Variants in WIPF3 observed in about 807,000 individuals in gnomAD.
WIPF3 encodes the protein WAS/WASL-interacting protein family member 3.
A neutral mutation model predicts 38.9 loss-of-function variants in WIPF3; 33 were observed. That is an observed-to-expected ratio of 0.85 (90% CI 0.64 to 1.14). The LOEUF is 1.14. Among genes scored for constraint, WIPF3 ranks in the 50% most tolerant of loss-of-function variants. The pLI, the probability that WIPF3 is intolerant of heterozygous loss-of-function variation, is 0.00. For synonymous variants in WIPF3, 324 were observed against 269.3 expected (o/e 1.20, Z -1.99); for missense variants, 711 against 652.5 (o/e 1.09, Z -0.98).
rs962588079 is a variant in WIPF3 at position 29,878,941 on chromosome 7, T to C, written c.224-68T>C. The stretch of plus-strand genomic sequence containing the variant: ...GTGGTAGACCAGTGTTAGACCATGG[T>C]CTGAAATGAGACCTGGCTGCTCAGC... On this transcript the variant is annotated intron_variant, in intron 3 of 8. Coordinates refer to ENST00000242140, the MANE Select transcript of WIPF3 (RefSeq NM_001080529.3). The surrounding 1 kb of genome is among the most constrained non-coding windows in gnomAD (Gnocchi z 4.0). 7 of 1,527,344 alleles carry C rather than the reference T, an allele frequency of 4.6e-6. No individual in the cohort carries two copies. Among genetic ancestry groups the C allele is most frequent in the Non-Finnish European group, 6.2e-6 (7 of 1,125,474 alleles). The allele number at this position is 1,527,344 out of a possible 1,614,324, so 94.6% of individuals were successfully genotyped here.
chr7:29,895,511 C>T (rs1786122701), intron 7 of WIPF3, among the ~76,000 whole-genome samples: 1 of 152,186 alleles, frequency 6.6e-6, no homozygotes, highest in East Asian at 1.9e-4. Context: ...TGATACATTG[C>T]TACAACATGG....
intron 1 of WIPF3, among the ~76,000 whole-genome samples, chr7:29,812,471 T>TGCAGTATCTCTAGGCTTC (rs1784395683): frequency 6.6e-6 from 1 of 152,226 alleles, no homozygotes; most frequent in Admixed American, 6.5e-5. Flanking sequence ...ACGATATGGC[T>TGCAGTATCTCTAGGCTTC]GCAGTATCTC....
intron 4 of WIPF3, among the ~76,000 whole-genome samples, chr7:29,882,103 T>C (rs1188310048): frequency 1.3e-5 from 2 of 152,262 alleles, no homozygotes; most frequent in Non-Finnish European, 2.9e-5. Context: ...AAAATGAGTT[T>C]GCCCACATTT....
At chr7:29,856,683 C>A (rs1227404561) in intron 2 of WIPF3, among the ~76,000 whole-genome samples, 1 of 152,114 alleles carries the variant, frequency 6.6e-6, no homozygotes, top group African/African-American at 2.4e-5. Context: ...ACAGAACTTG[C>A]ATTTTATTGT....
chr7:29,910,080 ATATAAC>A (rs1786477608), intron 8 of WIPF3, among the ~76,000 whole-genome samples: 2 of 152,140 alleles, frequency 1.3e-5, no homozygotes, highest in East Asian at 3.8e-4. Context: ...AACTCAAAGA[ATATAAC>A]TGGATTGTCT....
rs576852058 is a variant in WIPF3, at chr7:29,814,168, C to T, written c.-58+7490C>T. Among the ~76,000 whole-genome samples the T allele has an allele frequency of 7.9e-5, 12 of 152,304 alleles. No individual in the cohort carries two copies. The East Asian group carries it at 1.2e-3, about 15-fold the overall frequency. ...ACTCCTAGGCAAGCGATCTGTCTGCCTCCACCTCCCAAAATAAATGTAATA... is the reference window on the plus strand; with the variant it reads ...ACTCCTAGGCAAGCGATCTGTCTGCTTCCACCTCCCAAAATAAATGTAATA... On this transcript the variant is annotated intron_variant, in intron 1 of 8. Coordinates refer to ENST00000242140, the MANE Select transcript of WIPF3 (RefSeq NM_001080529.3).
intron 2 of WIPF3, among the ~76,000 whole-genome samples, chr7:29,872,228 G>C (rs1785508362): frequency 6.6e-6 from 1 of 152,138 alleles, no homozygotes; most frequent in South Asian, 2.1e-4. Context: ...TTTCTTTCCT[G>C]TTTCTGCATC....
At chr7:29,892,359 T>G (rs964411789) in intron 7 of WIPF3, among the ~76,000 whole-genome samples, 5 of 152,324 alleles carry the variant, frequency 3.3e-5, no homozygotes, top group East Asian at 1.9e-4. Flanking sequence ...CGGGGCTGCC[T>G]GCACATGAAC....
intron 7 of WIPF3, among the ~76,000 whole-genome samples, chr7:29,894,510 G>A (rs979554774): frequency 1.1e-4 from 17 of 152,160 alleles, no homozygotes; most frequent in African/African-American, 4.1e-4. Flanking sequence ...AAATATGCAT[G>A]TTCCTGTCAT....
At chr7:29,866,899 G>T (rs1404671637) in intron 2 of WIPF3, among the ~76,000 whole-genome samples, 2 of 152,234 alleles carry the variant, frequency 1.3e-5, no homozygotes, top group Non-Finnish European at 2.9e-5. Context: ...AAGAGGCTGT[G>T]TTGTGATGAA....
chr7:29,839,021 G>A (rs987496238), intron 2 of WIPF3, among the ~76,000 whole-genome samples: 1 of 152,112 alleles, frequency 6.6e-6, no homozygotes, highest in African/African-American at 2.4e-5. Context: ...TGCAAGACAA[G>A]CTGGTAAAAT....
intron 5 of WIPF3, among the ~76,000 whole-genome samples, chr7:29,886,517 T>TGTCTGGGTGC: frequency 6.6e-6 from 1 of 152,058 alleles, no homozygotes; most frequent in East Asian, 1.9e-4. Flanking sequence ...CCACCACACC[T>TGTCTGGGTGC]GGCTAATTTT....
chr7:29,860,042 A>C (rs924855178), intron 2 of WIPF3, among the ~76,000 whole-genome samples: 3 of 152,178 alleles, frequency 2.0e-5, no homozygotes, highest in African/African-American at 7.2e-5. Flanking sequence ...GGGTGGGTAG[A>C]AACATGGACC....
chr7:29,912,393 A>C (rs1044110230), intron 8 of WIPF3: 2 of 152,326 alleles, frequency 1.3e-5, no homozygotes, highest in African/African-American at 4.8e-5. Context: ...TAAAAAACAG[A>C]ATTACCATAT....
chr7:29,876,107 G>C, intron 3 of WIPF3, 145 bp downstream of exon 3: 1 of 1,112,256 alleles, frequency 9.0e-7, no homozygotes, highest in Non-Finnish European at 1.3e-6. Context: ...GACAGGCCAA[G>C]TGGGCGAGAG....
chr7:29,904,484 G>T, intron 8 of WIPF3, 122 bp downstream of exon 8: 2 of 826,646 alleles, frequency 2.4e-6, no homozygotes, highest in Non-Finnish European at 3.7e-6. Context: ...CTTTTCCTCA[G>T]GGAAAGCCAT....
intron 2 of WIPF3, among the ~76,000 whole-genome samples, chr7:29,874,439 A>AC (rs1785551305): frequency 6.6e-6 from 1 of 151,100 alleles, no homozygotes; most frequent in African/African-American, 2.4e-5. Context: ...AATGTGACAG[A>AC]GGAAAAAGGA....
intron 2 of WIPF3, 126 bp from the exon 3 acceptor site, chr7:29,875,704 C>T (rs1785577532): frequency 6.2e-6 from 8 of 1,298,700 alleles, no homozygotes; most frequent in Non-Finnish European, 8.6e-6. Flanking sequence ...CATAGGTAAT[C>T]TGAGATCAGC....
At chr7:29,864,413 G>T (rs1316449083) in intron 2 of WIPF3, among the ~76,000 whole-genome samples, 1 of 152,062 alleles carries the variant, frequency 6.6e-6, no homozygotes, top group African/African-American at 2.4e-5. Context: ...CATATTGCTG[G>T]ACTCTGTCAG....
Sources: gnomAD v4.1 joint callset for allele counts (sites outside exome capture counted in the v4.1 genomes callset) on GRCh38, gnomAD v4.1.1 for gene constraint, Gnocchi (gnomAD v3.1) non-coding constraint, MANE v1.5 for transcripts, NCBI Gene and HGNC (gene_info 2026-07-23, HGNC 2026-07-21) for gene names.